Variants in GRID2 observed in about 807,000 individuals in gnomAD.
GRID2 encodes the protein glutamate ionotropic receptor delta type subunit 2.
GRID2 carries 33 observed loss-of-function variants against 114.8 expected under a neutral mutation model. The observed-to-expected ratio is 0.29, with a 90% CI of 0.22 to 0.38. The LOEUF (loss-of-function observed/expected upper bound fraction) is 0.38, where lower values mean the gene tolerates loss of function less well. GRID2 is among the 10% of genes least tolerant of loss of function. GRID2 has a pLI of 1.00. For synonymous variants in GRID2, 505 were observed against 449.9 expected, an observed-to-expected ratio of 1.12 and a Z score of -1.55; for missense variants, 1,184 against 1,257.7, an observed-to-expected ratio of 0.94 and a Z score of 0.89.
rs1408705792 is a variant in GRID2, at chr4:93,165,119, A to T, written c.736-42285A>T. On this transcript the variant is annotated intron_variant, in intron 4 of 15. Coordinates refer to ENST00000282020, the MANE Select transcript of GRID2 (RefSeq NM_001510.4). ...TGAGGTAATTCCTGCAAAGGGTTTA[A>T]CACAGTGCCTAATACTAGCAATTGC... Among the ~76,000 whole-genome samples, 3 of 152,122 alleles carry T rather than the reference A, an allele frequency of 2.0e-5. No homozygotes were observed. In the East Asian group the frequency reaches 5.8e-4, roughly 29 times the overall value.
chr4:93,353,712 G>A (rs1323813550), intron 8 of GRID2, among the ~76,000 whole-genome samples: 5 of 152,102 alleles, frequency 3.3e-5, no homozygotes, highest in African/African-American at 7.2e-5. Context: ...AATTCCAAAG[G>A]TGTTTTAAAA....
intron 1 of GRID2, among the ~76,000 whole-genome samples, chr4:92,446,878 G>C (rs770534049): frequency 1.3e-5 from 2 of 152,260 alleles, no homozygotes; most frequent in African/African-American, 4.8e-5. Flanking sequence ...GATAACCTTC[G>C]AAGTAACACC....
At chr4:92,800,425 C>G (rs1345989545) in intron 2 of GRID2, among the ~76,000 whole-genome samples, 1 of 151,944 alleles carries the variant, frequency 6.6e-6, no homozygotes, top group Non-Finnish European at 1.5e-5. Flanking sequence ...AAGAAGGAAT[C>G]AAGGTTGTAG....
rs182152042 is a variant in GRID2 at position 92,306,485 on chromosome 4, T to A, written c.88+1741T>A. ...TACATTTATATCTAGTTGTAAATGA[T>A]TGGAGCAGGAATGCAGATATATAAT... On this transcript the variant is annotated intron_variant, in intron 1 of 15. Transcript: ENST00000282020. Among the ~76,000 whole-genome samples, 5 of 152,334 alleles carry A rather than the reference T, an allele frequency of 3.3e-5. No homozygotes were observed. In the East Asian group the frequency reaches 9.6e-4, roughly 29 times the overall value.
intron 11 of GRID2, among the ~76,000 whole-genome samples, chr4:93,478,567 T>C (rs1725548023): frequency 6.6e-6 from 1 of 151,294 alleles, no homozygotes; most frequent in African/African-American, 2.4e-5. Flanking sequence ...AGATTAAATA[T>C]GATAAAATAT....
chr4:93,309,263 G>T (rs539229252), intron 8 of GRID2, among the ~76,000 whole-genome samples: 1 of 152,210 alleles, frequency 6.6e-6, no homozygotes, highest in Non-Finnish European at 1.5e-5. Context: ...GGCAGGGTGC[G>T]GTGGCTCACA....
chr4:92,829,695 A>C (rs181993992), intron 2 of GRID2, among the ~76,000 whole-genome samples: 1 of 152,204 alleles, frequency 6.6e-6, no homozygotes, highest in Non-Finnish European at 1.5e-5. Context: ...ATGCCCATCA[A>C]TGATAGACTG....
At chr4:93,766,559 T>C (rs919481174) in intron 14 of GRID2, among the ~76,000 whole-genome samples, 4 of 152,186 alleles carry the variant, frequency 2.6e-5, no homozygotes, top group African/African-American at 7.2e-5. Flanking sequence ...CTGACCAATA[T>C]GGTGTGATGC....
chr4:93,217,673 A>T (rs950884951), intron 6 of GRID2, among the ~76,000 whole-genome samples: 2 of 152,052 alleles, frequency 1.3e-5, no homozygotes, highest in South Asian at 2.1e-4. Context: ...TAAGCAAGAG[A>T]CGGGAAAAAA....
At chr4:92,628,081 A>T (rs981169822) in intron 2 of GRID2, among the ~76,000 whole-genome samples, 2 of 152,156 alleles carry the variant, frequency 1.3e-5, no homozygotes, top group African/African-American at 4.8e-5. Context: ...TTATTTTATC[A>T]TCTTTGTCCT....
At chr4:93,552,011 C>T (rs568502768) in intron 13 of GRID2, among the ~76,000 whole-genome samples, 106 of 150,162 alleles carry the variant, frequency 7.1e-4, no homozygotes, top group Non-Finnish European at 1.3e-3. Context: ...GGTATATCTC[C>T]TAATGCTATC....
chr4:92,354,705 G>A (rs1310645919), intron 1 of GRID2, among the ~76,000 whole-genome samples: 2 of 151,898 alleles, frequency 1.3e-5, no homozygotes, highest in Non-Finnish European at 2.9e-5. Context: ...CAATTATATA[G>A]CATAGAAAGT....
intron 12 of GRID2, among the ~76,000 whole-genome samples, chr4:93,514,625 C>A (rs1046854660): frequency 4.6e-5 from 7 of 152,126 alleles, no homozygotes; most frequent in Non-Finnish European, 1.0e-4. Context: ...CAACCTCAGT[C>A]TCTTCCTCTA....
intron 14 of GRID2, among the ~76,000 whole-genome samples, chr4:93,709,138 C>G (rs754562442): frequency 2.6e-5 from 4 of 152,098 alleles, no homozygotes; most frequent in Non-Finnish European, 5.9e-5. Context: ...ACCACAAATA[C>G]AGTGTTATAA....
At chr4:93,369,192 C>G (rs756751152) in intron 8 of GRID2, among the ~76,000 whole-genome samples, 2 of 152,124 alleles carry the variant, frequency 1.3e-5, no homozygotes, top group Non-Finnish European at 2.9e-5. Flanking sequence ...TGTTAGCTGT[C>G]AGCATTCTTT....
chr4:92,896,506 A>G (rs1252756389), intron 2 of GRID2, among the ~76,000 whole-genome samples: 1 of 151,566 alleles, frequency 6.6e-6, no homozygotes, highest in Non-Finnish European at 1.5e-5. Context: ...ATATATATCT[A>G]TCTTTATTAT....
At chr4:93,008,551 A>C (rs868592799) in intron 2 of GRID2, among the ~76,000 whole-genome samples, 1 of 151,928 alleles carries the variant, frequency 6.6e-6, no homozygotes, top group Middle Eastern at 3.4e-3. Context: ...TCTGTTTGTA[A>C]ATATGTGGGG....
chr4:92,590,207 G>A lies in GRID2; in HGVS notation c.165G>A (p.Glu55=). 1 of 1,611,572 alleles carries A rather than the reference G, an allele frequency of 6.2e-7. No homozygotes were observed. The highest frequency in any genetic ancestry group is 8.5e-7 in the Non-Finnish European group (1 of 1,177,800). ...RTAVGDLNQN[E]EILQTEKITF... is the part of the protein sequence containing the mutation. ...CGGTTGGTGACCTTAACCAGAATGA[G>A]GAGATCTTACAGACTGAGAAAATCA... Residue 55 remains glutamate (E), a synonymous_variant, in exon 2 of 16, where the codon GAG becomes GAA. Transcript: ENST00000282020.
At chr4:92,682,903 A>G (rs1276148206) in intron 2 of GRID2, among the ~76,000 whole-genome samples, 2 of 152,278 alleles carry the variant, frequency 1.3e-5, no homozygotes, top group South Asian at 2.1e-4. Flanking sequence ...GGCCACTATT[A>G]ATTGTGGCAT....
Sources: allele counts gnomAD v4.1 joint callset (sites outside exome capture counted in the v4.1 genomes callset), GRCh38; gene constraint gnomAD v4.1.1; transcripts MANE v1.5; gene names NCBI Gene and HGNC (gene_info 2026-07-23, HGNC 2026-07-21).